PIP4K2A: variants seen among roughly 807,000 people sequenced by gnomAD.
The protein encoded by PIP4K2A is phosphatidylinositol 5-phosphate 4-kinase type-2 alpha.
Under a neutral mutation model 42.9 loss-of-function variants are expected in PIP4K2A, and 14 were observed. That is an observed-to-expected ratio of 0.33 (90% CI 0.22 to 0.51). PIP4K2A has a LOEUF of 0.51. PIP4K2A is among the 20% of genes least tolerant of loss of function. PIP4K2A has a pLI of 0.97. For missense variants in PIP4K2A, 434 were observed against 519.8 expected (o/e 0.83, Z 1.61); for synonymous variants, 192 against 192.2 (o/e 1.00, Z 0.01).
At position 22,537,950 on chromosome 10, in the gene PIP4K2A, G is replaced by A. The variant is rs1365842379; in HGVS notation, c.1141-669C>T. On this transcript the variant is annotated intron_variant, in intron 9 of 9. Transcript: ENST00000376573. ...CAGGGGTGCCACTGTTCCCCTTTCT[G>A]AGCCCTGCAGAGAGCAAGCAAGCCT... 3.9e-5 allele frequency among the ~76,000 whole-genome samples: 6 copies of A among 152,266 alleles called. No individual in the cohort carries two copies. The East Asian group carries it at 1.2e-3, about 29-fold the overall frequency.
rs2130779605 is a variant in PIP4K2A, at chr10:22,635,313, G to T, written c.145-25596C>A. 2.0e-5 allele frequency among the ~76,000 whole-genome samples: 3 copies of T among 152,304 alleles called. No individual in the cohort carries two copies. The Middle Eastern group carries it at 0.01, about 518-fold the overall frequency. ...ACCGTCCTGCTCTGGTGCCAACTGG[G>T]ATGTCAGTGGTGGGGAGGCTGAATG... On this transcript the variant is annotated intron_variant, in intron 1 of 9. Coordinates refer to ENST00000376573, the MANE Select transcript of PIP4K2A (RefSeq NM_005028.5).
chr10:22,682,684 T>G (rs1041995860), intron 1 of PIP4K2A, among the ~76,000 whole-genome samples: 6 of 152,142 alleles, frequency 3.9e-5, no homozygotes, highest in African/African-American at 1.4e-4. Flanking sequence ...CCTCAGAGTA[T>G]CTGTTCTTCC....
intron 1 of PIP4K2A, among the ~76,000 whole-genome samples, chr10:22,612,461 G>A (rs1333939307): frequency 6.6e-6 from 1 of 152,214 alleles, no homozygotes; most frequent in African/African-American, 2.4e-5. Context: ...GAGAGGAGGG[G>A]ACACTGTTAA....
intron 4 of PIP4K2A, among the ~76,000 whole-genome samples, chr10:22,583,789 G>A (rs1217563105): frequency 1.3e-5 from 2 of 152,248 alleles, no homozygotes; most frequent in Admixed American, 6.5e-5. Context: ...GAGATGGGAC[G>A]CCCAGATTCC....
chr10:22,537,103 C>A lies in PIP4K2A; in HGVS notation c.*98G>T. 1.1e-6 allele frequency: 1 copy of A among 878,488 alleles called. No homozygotes were observed. The highest frequency in any genetic ancestry group is 2.7e-5 in the East Asian group (1 of 37,502). The allele number at this position is 878,488 out of a possible 1,614,324, so 54.4% of individuals were successfully genotyped here. On this transcript the variant is annotated 3_prime_UTR_variant, in exon 10 of 10. Transcript: ENST00000376573. The stretch of plus-strand genomic sequence containing the variant: ...TGTAAACAAGGAGGTTTGCTTCCTG[C>A]AAGATGAGTACTTCACTGAGTTTGG...
intron 3 of PIP4K2A, among the ~76,000 whole-genome samples, chr10:22,605,387 A>G (rs1028108081): frequency 6.6e-6 from 1 of 152,222 alleles, no homozygotes; most frequent in African/African-American, 2.4e-5. Context: ...ATTTTCTTTC[A>G]AAGTTTGTAC....
At chr10:22,712,913 G>GGTGTGTGTGTGTGT (rs35439666) in intron 1 of PIP4K2A, among the ~76,000 whole-genome samples, 11 of 147,502 alleles carry the variant, frequency 7.5e-5, no homozygotes, top group African/African-American at 2.5e-4. Context: ...CTACATTGAG[G>GGTGTGTGTGTGTGT]GTGTGTGTGT....
At chr10:22,581,389 A>G (rs1244976550) in intron 4 of PIP4K2A, among the ~76,000 whole-genome samples, 1 of 152,138 alleles carries the variant, frequency 6.6e-6, no homozygotes, top group Non-Finnish European at 1.5e-5. Context: ...TGCTATATGT[A>G]GCTAAGTCAA....
intron 1 of PIP4K2A, chr10:22,713,972 A>C (rs572921399): frequency 2.0e-6 from 1 of 500,738 alleles, no homozygotes; most frequent in Non-Finnish European, 3.6e-6. Context: ...CGGGCCATAG[A>C]TCTAAAGGGG....
intron 7 of PIP4K2A, among the ~76,000 whole-genome samples, chr10:22,544,898 A>G (rs886094643): frequency 2.3e-4 from 35 of 152,260 alleles, no homozygotes; most frequent in Admixed American, 2.1e-3. Flanking sequence ...GGCACTGCAC[A>G]GGGCAGCACA....
At chr10:22,686,298 G>C (rs184231175) in intron 1 of PIP4K2A, among the ~76,000 whole-genome samples, 14 of 152,204 alleles carry the variant, frequency 9.2e-5, no homozygotes, top group South Asian at 4.2e-4. Context: ...CACAAATTAC[G>C]TCTTAACTAA....
At chr10:22,623,181 A>T (rs77559159) in intron 1 of PIP4K2A, among the ~76,000 whole-genome samples, 1 of 152,040 alleles carries the variant, frequency 6.6e-6, no homozygotes, top group Non-Finnish European at 1.5e-5. Context: ...TTAAAAAAAA[A>T]GGTTACACAT....
At position 22,541,817 on chromosome 10, in the gene PIP4K2A, A is replaced by C. The variant is rs1209966736; in HGVS notation, c.1023T>G (p.Ile341Met). Reference protein sequence around the residue: ...EFDPNIDVYGIKCHENSPRKE... With the variant: ...EFDPNIDVYGMKCHENSPRKE... ...AATCAAACTTACTTTCATGGCACTT[A>C]ATTCCATAGACGTCGATGTTCGGAT... Residue 341 changes from isoleucine to methionine, a missense_variant, in exon 8 of 10, where the codon ATT (isoleucine) becomes ATG (methionine). By Grantham distance (10) the Ile-to-Met change is conservative. Around this residue, in one of 2 missense-constraint regions of PIP4K2A, gnomAD observed 395 missense variants for 444.5 expected, o/e 0.89. Transcript: ENST00000376573. The C allele has an allele frequency of 6.4e-7, 1 of 1,551,448 alleles. No homozygotes were observed. The highest frequency in any genetic ancestry group is 2.0e-5 in the Admixed American group (1 of 49,992).
chr10:22,578,671 G>A (rs774170279), intron 4 of PIP4K2A, among the ~76,000 whole-genome samples: 13 of 150,448 alleles, frequency 8.6e-5, no homozygotes, highest in Non-Finnish European at 1.5e-4. Context: ...TCTGCGTCTC[G>A]ATAACCCCCA....
In PIP4K2A at chr10:22,569,115, G is replaced by T. The variant is rs1836919374; in HGVS notation, c.640-1226C>A. ...CATCGAGCAGCTCAGGCATTGACTA[G>T]GATTGAGCTTCCTGCAATTCACAGA... is the stretch of plus-strand genomic sequence containing the variant. On this transcript the variant is annotated intron_variant, in intron 5 of 9. Transcript: ENST00000376573. 16 of 1,195,756 alleles carry T rather than the reference G, an allele frequency of 1.3e-5. No homozygotes were observed. The South Asian group carries it at 2.1e-4, about 16-fold the overall frequency. 74.1% of individuals were successfully genotyped at this position (1,195,756 alleles called of 1,614,324 possible). A position where few individuals can be genotyped will look rare whatever the true frequency, so the allele number is the denominator to read the frequency against.
intron 4 of PIP4K2A, among the ~76,000 whole-genome samples, chr10:22,583,033 T>C (rs140333116): frequency 6.6e-6 from 1 of 152,356 alleles, no homozygotes; most frequent in East Asian, 1.9e-4. Context: ...TCTTCTGTAG[T>C]GTTTACACAA....
intron 3 of PIP4K2A, among the ~76,000 whole-genome samples, chr10:22,602,612 A>G (rs1837814697): frequency 6.6e-6 from 1 of 151,718 alleles, no homozygotes; most frequent in African/African-American, 2.4e-5. Context: ...ATACCTTCAC[A>G]TTTCATGGGC....
rs73598578 is a variant in PIP4K2A at position 22,600,526 on chromosome 10, T to A, written c.339+7401A>T. Among the ~76,000 whole-genome samples, 616 of 152,162 alleles carry A rather than the reference T, an allele frequency of 4.0e-3. 2 individuals carry two copies. Among genetic ancestry groups the A allele is most frequent in the African/African-American group, 0.014 (568 of 41,492 alleles). The stretch of plus-strand genomic sequence containing the variant: ...TGGTCACAGCATCAGTCACTGAAGA[T>A]CCAAGACTCAACCAGGCCTCCTAAC... On this transcript the variant is annotated intron_variant, in intron 3 of 9. Transcript: ENST00000376573.
chr10:22,627,073 G>A (rs2130760277), intron 1 of PIP4K2A, among the ~76,000 whole-genome samples: 1 of 149,882 alleles, frequency 6.7e-6, no homozygotes, highest in South Asian at 2.1e-4. Flanking sequence ...CGCATTCTAT[G>A]TATTCTATCA....
Sources: allele counts gnomAD v4.1 joint callset (sites outside exome capture counted in the v4.1 genomes callset), GRCh38; gene constraint gnomAD v4.1.1; regional missense constraint gnomAD v4.1.1; transcripts MANE v1.5; gene names NCBI Gene and HGNC (gene_info 2026-07-23, HGNC 2026-07-21).